Variants in ZNHIT3 observed in about 807,000 individuals in gnomAD.
ZNHIT3 encodes the protein zinc finger HIT-type containing 3, also known as zinc finger HIT domain-containing protein 3.
A neutral mutation model predicts 19.9 loss-of-function variants in ZNHIT3; 27 were observed. The observed-to-expected ratio is 1.36, with a 90% CI of 1.00 to 1.87. The LOEUF (loss-of-function observed/expected upper bound fraction) is 1.87. ZNHIT3 is among the 40% of genes most tolerant of loss of function. ZNHIT3 has a pLI of 0.00. For missense variants in ZNHIT3, 215 were observed against 185.6 expected (o/e 1.16, Z -0.92); for synonymous variants, 81 against 65.7 (o/e 1.23, Z -1.13).
chr17:36,486,723 C>T lies in ZNHIT3; in HGVS notation c.24C>T (p.Thr8=), dbSNP rs139241535. The part of the protein sequence containing the change: MASLKCS[T]VVCVICLEKP... ...CCATGGCGTCGCTCAAATGTAGCAC[C>T]GTCGTCTGCGTGATCTGCTTGGAGA... The change falls in exon 1 of 5, where the codon ACC becomes ACT. Residue 8 remains threonine (T), a synonymous_variant. Transcript: ENST00000617429. The T allele has an allele frequency of 2.6e-4, 419 of 1,613,876 alleles. 3 individuals are homozygous for T. The African/African-American group carries it at 5.2e-3, about 20-fold the overall frequency.
At chr17:36,499,049 A>ACC, downstream of ZNHIT3, 1 of 1,575,178 alleles carries the variant, frequency 6.3e-7, no homozygotes, top group Non-Finnish European at 8.7e-7. Flanking sequence ...TCCACTGCCC[A>ACC]CCCCGACTTC....
At chr17:36,498,426 A>G (rs779840306), downstream of ZNHIT3, 25 of 1,613,918 alleles carry the variant, frequency 1.5e-5, no homozygotes, top group Non-Finnish European at 1.8e-5. Flanking sequence ...GACCAGTCCC[A>G]GGGGCCAGAG....
intron 2 of ZNHIT3, among the ~76,000 whole-genome samples, chr17:36,488,852 T>A (rs2142518645): frequency 6.6e-6 from 1 of 152,354 alleles, no homozygotes; most frequent in Admixed American, 6.5e-5. Flanking sequence ...CTTGTAGCTA[T>A]TTGAAAGTAT....
intron 2 of ZNHIT3, chr17:36,490,241 A>G (rs1231913571): frequency 6.6e-6 from 1 of 151,958 alleles, no homozygotes; most frequent in African/African-American, 2.4e-5. Flanking sequence ...ATCCATTTTG[A>G]TATTTATATA....
intron 2 of ZNHIT3, among the ~76,000 whole-genome samples, chr17:36,487,294 C>T (rs759621328): frequency 1.3e-4 from 20 of 152,216 alleles, no homozygotes; most frequent in Non-Finnish European, 2.4e-4. Flanking sequence ...CTAGCAGTTT[C>T]TTCCTCAGTA....
chr17:36,487,025 G>C, intron 2 of ZNHIT3, 59 bp downstream of exon 2: 2 of 1,597,202 alleles, frequency 1.3e-6, no homozygotes, highest in Non-Finnish European at 1.7e-6. Context: ...CCCACGTCCA[G>C]CCTCCGTCTT....
chr17:36,496,871 G>C (rs1053430143), downstream of ZNHIT3, among the ~76,000 whole-genome samples: 1 of 152,024 alleles, frequency 6.6e-6, no homozygotes, highest in African/African-American at 2.4e-5. Flanking sequence ...CCAGTGAATG[G>C]GGCAGAACCA....
chr17:36,496,490 A>G (rs116276069), downstream of ZNHIT3: 5,758 of 1,359,566 alleles, frequency 4.2e-3, 136 homozygotes, highest in African/African-American at 0.057. Flanking sequence ...GACGCTAAAA[A>G]TGCAAGAAGG....
At chr17:36,495,196 C>A in intron 4 of ZNHIT3, 27 bp from the exon 5 acceptor site, 1 of 1,543,394 alleles carries the variant, frequency 6.5e-7, no homozygotes. Context: ...TGAACTCAGA[C>A]TGGCTTTTTT....
At position 36,495,352 on chromosome 17, in the gene ZNHIT3, T is replaced by C. The variant is rs1033007400; in HGVS notation, c.416T>C (p.Phe139Ser). 2 of 1,612,950 alleles carry C rather than the reference T, an allele frequency of 1.2e-6. No homozygotes were observed. The highest frequency in any genetic ancestry group is 1.7e-6 in the Non-Finnish European group (2 of 1,179,774). Residue 139 changes from phenylalanine (F) to serine (S), a missense_variant, in exon 5 of 5, where the codon TTT becomes TCT. Physicochemically the swap from Phe to Ser is radical, Grantham distance 155 (BLOSUM62 -2). Transcript: ENST00000617429. ...AYMQEPLFVE[F>S]ADCCLGIVEP... ...ATGCAAGAGCCTTTGTTTGTGGAGTTTGCAGACTGCTGTTTAGGAATTGTG... is the reference window on the plus strand; with the variant it reads ...ATGCAAGAGCCTTTGTTTGTGGAGTCTGCAGACTGCTGTTTAGGAATTGTG...
At chr17:36,492,651 T>C (rs2070753170) in intron 2 of ZNHIT3, 162 bp from the exon 3 acceptor site, 2 of 651,970 alleles carry the variant, frequency 3.1e-6, no homozygotes, top group South Asian at 1.9e-5. Context: ...TTCCTTAATC[T>C]CTCTCTTGCT....
At chr17:36,495,910 TTCCAAAAG>T, downstream of ZNHIT3, 10 of 1,183,502 alleles carry the variant, frequency 8.4e-6, no homozygotes, top group Non-Finnish European at 1.1e-5. Context: ...GGCTGTTTTC[TTCCAAAAG>T]TGCTTATGTG....
chr17:36,497,590 T>C (rs1256411588), downstream of ZNHIT3: 5 of 329,364 alleles, frequency 1.5e-5, no homozygotes, highest in African/African-American at 2.3e-5. Context: ...TAAACCAAAC[T>C]TTTTTTTTTT....
rs771998122 is a variant in ZNHIT3, at chr17:36,495,409, G to T, written c.*5G>T. 6.9e-6 allele frequency: 11 copies of T among 1,592,718 alleles called. No individual in the cohort carries two copies. The highest frequency in any genetic ancestry group is 8.5e-6 in the Non-Finnish European group (10 of 1,170,892). On this transcript the variant is annotated 3_prime_UTR_variant, in exon 5 of 5. Transcript: ENST00000617429. ...TCCCAGAATGAGGAGTCTTAAGATGGATTATTGTGCTGCTTGCTCAAGCGT... is the reference window on the plus strand; with the variant it reads ...TCCCAGAATGAGGAGTCTTAAGATGTATTATTGTGCTGCTTGCTCAAGCGT...
rs374337340 is a variant in ZNHIT3, at chr17:36,486,775, C to T, written c.76C>T (p.Arg26Cys). Residue 26 changes from arginine to cysteine, a missense_variant, in exon 1 of 5, where the codon CGC becomes TGC. Arg to Cys is a radical substitution (Grantham distance 180). Transcript: ENST00000617429. ...EKPKYRCPAC[R>C]VPYCSVVCFR... ...GCCCAAATACCGCTGTCCAGCCTGC[C>T]GCGTGCCCTAGTGAGCGGGGAGGTC... is the stretch of plus-strand genomic sequence containing the variant. 10 of 1,612,236 alleles carry T rather than the reference C, an allele frequency of 6.2e-6. No individual in the cohort carries two copies. Among genetic ancestry groups the T allele is most frequent in the Non-Finnish European group, 7.6e-6 (9 of 1,179,326 alleles).
chr17:36,495,232 C>G lies in ZNHIT3; in HGVS notation c.296C>G (p.Ala99Gly). ...TCTTGTTAATTTTTAGGGGAATCTG[C>G]AACATTAAGAAGCTTATTGCTCAAT... ...LQNLKNLGES[A>G]TLRSLLLNPH... Residue 99 changes from alanine to glycine, a missense_variant, in exon 5 of 5, where the codon GCA becomes GGA. Transcript: ENST00000617429. The G allele has an allele frequency of 6.4e-7, 1 of 1,567,880 alleles. No individual in the cohort carries two copies. Among genetic ancestry groups the G allele is most frequent in the Non-Finnish European group, 8.6e-7 (1 of 1,162,324 alleles).
intron 2 of ZNHIT3, among the ~76,000 whole-genome samples, chr17:36,488,251 C>T (rs899088236): frequency 2.0e-5 from 3 of 151,340 alleles, no homozygotes; most frequent in Non-Finnish European, 4.4e-5. Context: ...TTTTTAAAAC[C>T]TAGTGCATAC....
chr17:36,495,481 GT>G lies in ZNHIT3; in HGVS notation c.*80del. 6.8e-7 allele frequency: 1 copy of G among 1,462,096 alleles called. No individual in the cohort carries two copies. Among genetic ancestry groups the G allele is most frequent in the Non-Finnish European group, 9.0e-7 (1 of 1,109,738 alleles). The allele number at this position is 1,462,096 out of a possible 1,614,324, so 90.6% of individuals were successfully genotyped here. A position where few individuals can be genotyped will look rare whatever the true frequency, so the allele number is the denominator to read the frequency against. On this transcript the variant is annotated 3_prime_UTR_variant, in exon 5 of 5. Transcript: ENST00000617429. ...CCTGCTCCCTCTCCCAGACCAGCTAGTTTGGGGCTGGGGAGCTCAGGCAAAA... is the reference window on the plus strand; with the variant it reads ...CCTGCTCCCTCTCCCAGACCAGCTAGTTGGGGCTGGGGAGCTCAGGCAAAA...
In ZNHIT3 at chr17:36,487,103, T is replaced by C. The variant is rs372305010; in HGVS notation, c.118+137T>C. ...GTCTCCGCGGGTTCTGCAGGAACCTTGCTTCCTCTGACTTGGTCCCTGGTG... is the reference window on the plus strand; with the variant it reads ...GTCTCCGCGGGTTCTGCAGGAACCTCGCTTCCTCTGACTTGGTCCCTGGTG... On this transcript the variant is annotated intron_variant, in intron 2 of 4. Transcript: ENST00000617429. The C allele has an allele frequency of 1.4e-3, 1,641 of 1,190,054 alleles. 34 individuals are homozygous for C. In the South Asian group the frequency reaches 0.018, roughly 13 times the overall value. 73.7% of individuals were successfully genotyped at this position (1,190,054 alleles called of 1,614,324 possible).
Sources: gnomAD v4.1 joint callset for allele counts (sites outside exome capture counted in the v4.1 genomes callset) on GRCh38, gnomAD v4.1.1 for gene constraint, MANE v1.5 for transcripts, NCBI Gene and HGNC (gene_info 2026-07-23, HGNC 2026-07-21) for gene names.